CNTNAP4: variants seen among roughly 807,000 people sequenced by gnomAD.
CNTNAP4 encodes the protein contactin associated protein family member 4.
In CNTNAP4, 98 loss-of-function variants were observed where a neutral mutation model predicts 148.4. The observed-to-expected ratio is 0.66, with a 90% CI of 0.56 to 0.78. The LOEUF is 0.78. CNTNAP4 is among the 30% of genes least tolerant of loss of function. CNTNAP4 has a pLI of 0.00. For missense variants in CNTNAP4, 1,935 were observed against 1,565.6 expected, an observed-to-expected ratio of 1.24 and a Z score of -3.98; for synonymous variants, 730 against 565.1, an observed-to-expected ratio of 1.29 and a Z score of -4.14.
At chr16:76,495,502 A>T (rs11149909) in intron 14 of CNTNAP4, among the ~76,000 whole-genome samples, 24,994 of 151,994 alleles carry the variant, frequency 0.16, 2,609 homozygotes, top group Admixed American at 0.3. Context: ...TAAAAAGACA[A>T]ATCATACCAC....
intron 14 of CNTNAP4, chr16:76,495,333 AT>A (rs1183529583): frequency 8.6e-5 from 19 of 221,796 alleles, no homozygotes; most frequent in African/African-American, 4.1e-4. Context: ...GGAATTAATT[AT>A]TATTCCTTTT....
At chr16:76,445,702 G>A (rs1279568231) in intron 4 of CNTNAP4, among the ~76,000 whole-genome samples, 3 of 151,994 alleles carry the variant, frequency 2.0e-5, no homozygotes, top group Admixed American at 6.6e-5. Flanking sequence ...GAAAAAAAAA[G>A]TACTAGTAGC....
chr16:76,487,808 T>C (rs760751665), intron 12 of CNTNAP4, among the ~76,000 whole-genome samples: 4 of 152,202 alleles, frequency 2.6e-5, no homozygotes, highest in Admixed American at 1.3e-4. Context: ...TATGAGCTAC[T>C]CTTTAATGGT....
At chr16:76,522,776 C>CTTTTCTTTTCTTTTCTTTTT (rs146242468) in intron 17 of CNTNAP4, among the ~76,000 whole-genome samples, 1 of 78,778 alleles carries the variant, frequency 1.3e-5, no homozygotes, top group Non-Finnish European at 2.9e-5. Flanking sequence ...CTTTTCTTTT[C>CTTTTCTTTTCTTTTCTTTTT]TTTCTTGACA....
intron 3 of CNTNAP4, among the ~76,000 whole-genome samples, chr16:76,407,333 A>G (rs574153638): frequency 6.6e-6 from 1 of 152,158 alleles, no homozygotes; most frequent in African/African-American, 2.4e-5. Context: ...GTTTTTGAAG[A>G]AATACATTTT....
At chr16:76,342,156 T>A (rs528519176) in intron 2 of CNTNAP4, among the ~76,000 whole-genome samples, 1 of 152,288 alleles carries the variant, frequency 6.6e-6, no homozygotes, top group African/African-American at 2.4e-5. Context: ...TGTATGAAGA[T>A]CATCTGGGAA....
intron 2 of CNTNAP4, among the ~76,000 whole-genome samples, chr16:76,323,674 TG>T (rs1409516308): frequency 6.6e-6 from 1 of 152,154 alleles, no homozygotes; most frequent in Non-Finnish European, 1.5e-5. Flanking sequence ...CCTCCCTCCT[TG>T]GCCCCTTCCT....
chr16:76,317,708 AGTGTGTGT>A (rs146648270), intron 2 of CNTNAP4, among the ~76,000 whole-genome samples: 1 of 150,602 alleles, frequency 6.6e-6, no homozygotes, highest in Non-Finnish European at 1.5e-5. Context: ...AATAGGTAAG[AGTGTGTGT>A]GTGTGTGTGT....
intron 1 of CNTNAP4, among the ~76,000 whole-genome samples, chr16:76,293,830 TTTTTTA>T (rs919660294): frequency 6.7e-6 from 1 of 148,450 alleles, no homozygotes; most frequent in Non-Finnish European, 1.5e-5. Flanking sequence ...TTTTTTTTTT[TTTTTTA>T]AAAAAAAGGA....
chr16:76,387,650 C>T (rs1303161239), intron 3 of CNTNAP4, among the ~76,000 whole-genome samples: 1 of 152,052 alleles, frequency 6.6e-6, no homozygotes, highest in African/African-American at 2.4e-5. Context: ...AATTAATGCT[C>T]ATGAAATAAT....
chr16:76,355,804 A>T (rs200127702), intron 3 of CNTNAP4, among the ~76,000 whole-genome samples: 19,831 of 151,544 alleles, frequency 0.13, 2,004 homozygotes, highest in East Asian at 0.47. Context: ...TGTATAAAAA[A>T]AGTTTTGTTC....
chr16:76,482,211 G>A (rs985527917), intron 12 of CNTNAP4, among the ~76,000 whole-genome samples: 3 of 151,904 alleles, frequency 2.0e-5, no homozygotes, highest in African/African-American at 4.8e-5. Context: ...ACCATTTCAA[G>A]TAATGCAAAA....
intron 8 of CNTNAP4, among the ~76,000 whole-genome samples, chr16:76,459,356 A>G (rs1428810828): frequency 6.6e-6 from 1 of 152,216 alleles, no homozygotes; most frequent in Non-Finnish European, 1.5e-5. Flanking sequence ...AAATGTGTCT[A>G]AATGTATCTA....
rs190846344 is a variant in CNTNAP4, at chr16:76,386,091, C to T, written c.390+30580C>T. Among the ~76,000 whole-genome samples the T allele has an allele frequency of 3.9e-5, 6 of 152,312 alleles. No individual in the cohort carries two copies. In the East Asian group the frequency reaches 1.2e-3, roughly 29 times the overall value. ...TACGTTGGGCAGCCCAGAGTCTTCACTGCTGTGGGCACATTCACAAATGAC... is the reference window on the plus strand; with the variant it reads ...TACGTTGGGCAGCCCAGAGTCTTCATTGCTGTGGGCACATTCACAAATGAC... On this transcript the variant is annotated intron_variant, in intron 3 of 23. Transcript: ENST00000611870.
intron 15 of CNTNAP4, among the ~76,000 whole-genome samples, chr16:76,519,460 A>T (rs2083377845): frequency 6.6e-6 from 1 of 152,210 alleles, no homozygotes; most frequent in Admixed American, 6.5e-5. Flanking sequence ...ACCTTTAAGT[A>T]ATTATGAATG....
intron 2 of CNTNAP4, among the ~76,000 whole-genome samples, chr16:76,331,483 C>T (rs56162176): frequency 0.038 from 5,693 of 150,448 alleles, 365 homozygotes; most frequent in African/African-American, 0.13. Context: ...CTACCACGGC[C>T]GGCCTGTTTT....
rs151052065 is a variant in CNTNAP4 at position 76,416,087 on chromosome 16, T to C, written c.391-11365T>C. ...TCTGCCTTTCTTCTTCTGATATCCA[T>C]GGGCTCAATATTGGTGACTTTGCTT... On this transcript the variant is annotated intron_variant, in intron 3 of 23. Transcript: ENST00000611870. Among the ~76,000 whole-genome samples the C allele has an allele frequency of 2.4e-3, 369 of 151,384 alleles. 3 individuals carry two copies. Among genetic ancestry groups the C allele is most frequent in the South Asian group, 0.012 (59 of 4,824 alleles).
At chr16:76,531,217 G>A (rs1487848137) in intron 17 of CNTNAP4, among the ~76,000 whole-genome samples, 3 of 152,124 alleles carry the variant, frequency 2.0e-5, no homozygotes, top group Non-Finnish European at 4.4e-5. Flanking sequence ...TGAATAATTT[G>A]CCATTAAAAA....
At chr16:76,356,462 A>G (rs1461219914) in intron 3 of CNTNAP4, among the ~76,000 whole-genome samples, 1 of 152,178 alleles carries the variant, frequency 6.6e-6, no homozygotes, top group Non-Finnish European at 1.5e-5. Flanking sequence ...TTTTGTGATA[A>G]AGTGGGTGAT....
Sources: gnomAD v4.1 joint callset for allele counts (sites outside exome capture counted in the v4.1 genomes callset) on GRCh38, gnomAD v4.1.1 for gene constraint, MANE v1.5 for transcripts, NCBI Gene and HGNC (gene_info 2026-07-23, HGNC 2026-07-21) for gene names.